TRPC4AP: variants seen among roughly 807,000 people sequenced by gnomAD.
The protein encoded by TRPC4AP is transient receptor potential cation channel subfamily C member 4 associated protein.
In TRPC4AP, 45 loss-of-function variants were observed where a neutral mutation model predicts 99.0. The ratio of observed to expected loss-of-function variants is 0.45; its 90% confidence interval spans 0.36 to 0.58. The LOEUF (loss-of-function observed/expected upper bound fraction) is 0.58, where lower values mean the gene tolerates loss of function less well. Ranked by LOEUF, TRPC4AP falls within the 20% of genes least tolerant of loss-of-function variation. TRPC4AP has a pLI of 0.00. For synonymous variants in TRPC4AP, 408 were observed against 385.8 expected (o/e 1.06, Z -0.67); for missense variants, 879 against 985.3 (o/e 0.89, Z 1.44).
At chr20:35,083,714 TAA>T (rs761897677) in intron 1 of TRPC4AP, among the ~76,000 whole-genome samples, 12 of 139,582 alleles carry the variant, frequency 8.6e-5, no homozygotes, top group Non-Finnish European at 7.8e-5. Flanking sequence ...CTGCAAGCTT[TAA>T]AAAAAAAAAA....
At chr20:35,031,901 GT>G (rs528571328) in intron 8 of TRPC4AP, among the ~76,000 whole-genome samples, 2 of 151,744 alleles carry the variant, frequency 1.3e-5, no homozygotes, top group Non-Finnish European at 2.9e-5. Flanking sequence ...TTAAAAAAAA[GT>G]TTTTTTTGAG....
In TRPC4AP at chr20:35,054,853, G is replaced by T. The variant is rs1490403565; in HGVS notation, c.528+123C>A. On this transcript the variant is annotated intron_variant, in intron 5 of 18. Transcript: ENST00000252015. ...TGATTTTCAGGCACACATAAAATAA[G>T]CCCGATTCCCCCACTGTCTGAAAGC... The T allele has an allele frequency of 2.6e-5, 21 of 811,470 alleles. No homozygotes were observed. The Admixed American group carries it at 3.5e-4, about 14-fold the overall frequency. The allele number at this position is 811,470 out of a possible 1,614,324, so 50.3% of individuals were successfully genotyped here.
intron 9 of TRPC4AP, among the ~76,000 whole-genome samples, chr20:35,020,226 G>A (rs895365497): frequency 2.0e-5 from 3 of 152,110 alleles, no homozygotes; most frequent in Non-Finnish European, 2.9e-5. Flanking sequence ...CCTAATGGTC[G>A]CCCTATTCCC....
At chr20:35,084,488 GTATA>G (rs754008642) in intron 1 of TRPC4AP, among the ~76,000 whole-genome samples, 1 of 117,404 alleles carries the variant, frequency 8.5e-6, no homozygotes, top group Non-Finnish European at 1.9e-5. Context: ...GTGTATATAT[GTATA>G]TATCTATATA....
rs1326470267 is a variant in TRPC4AP at position 35,003,565 on chromosome 20, G to A, written c.2101C>T (p.Arg701Trp). 5.0e-6 allele frequency: 8 copies of A among 1,613,826 alleles called. No individual in the cohort carries two copies. The highest frequency in any genetic ancestry group is 1.7e-5 in the Admixed American group (1 of 60,010). Reference sequence around the variant, plus strand: ...AGGTACAGGGGCAGCCGCTCTTTCCGTCGGGCCAGCATCAGGATCACCAGG... The same window carrying A: ...AGGTACAGGGGCAGCCGCTCTTTCCATCGGGCCAGCATCAGGATCACCAGG... ...TSLVILMLAR[R>W]KERLPLYLRL... Residue 701 changes from arginine to tryptophan, a missense_variant, in exon 18 of 19, where the codon CGG becomes TGG. Transcript: ENST00000252015.
chr20:35,045,452 A>C (rs1225129411), intron 6 of TRPC4AP, among the ~76,000 whole-genome samples: 2 of 151,898 alleles, frequency 1.3e-5, no homozygotes, highest in African/African-American at 4.8e-5. Context: ...CTTACTGCAG[A>C]CTCAAACTCC....
intron 11 of TRPC4AP, among the ~76,000 whole-genome samples, chr20:35,010,550 C>T (rs1045621440): frequency 6.6e-5 from 10 of 152,106 alleles, no homozygotes; most frequent in African/African-American, 2.4e-4. Context: ...CTTCCCTCAG[C>T]AGCTCTGGGC....
chr20:35,050,390 C>T (rs1018455662), intron 5 of TRPC4AP, among the ~76,000 whole-genome samples: 2 of 59,858 alleles, frequency 3.3e-5, no homozygotes, highest in African/African-American at 1.5e-4. Context: ...CTTTGGAACT[C>T]CATTTTTTTC....
intron 8 of TRPC4AP, among the ~76,000 whole-genome samples, chr20:35,028,573 T>A (rs1467906751): frequency 6.6e-6 from 1 of 152,170 alleles, no homozygotes; most frequent in Non-Finnish European, 1.5e-5. Flanking sequence ...TTGCTGAACT[T>A]TTTTTTAACA....
intron 1 of TRPC4AP, among the ~76,000 whole-genome samples, chr20:35,083,316 T>C (rs1215826086): frequency 6.6e-6 from 1 of 152,022 alleles, no homozygotes; most frequent in Non-Finnish European, 1.5e-5. Context: ...TAACACACTC[T>C]TGGCTGGGCA....
Position 35,002,711 on chromosome 20 carries a change from C to T in TRPC4AP, c.*435G>A, listed in dbSNP as rs530259400. The T allele has an allele frequency of 8.4e-5, 15 of 178,054 alleles. No homozygotes were observed. The East Asian group carries it at 2.2e-3, about 27-fold the overall frequency. 11.0% of individuals were successfully genotyped at this position (178,054 alleles called of 1,614,324 possible). ...ATTCTCTGGTACCCACCACCCCTGC[C>T]CAGGGCTCAGAAGCCTTTGCCTGGG... On this transcript the variant is annotated 3_prime_UTR_variant, in exon 19 of 19. Transcript: ENST00000252015.
chr20:35,039,094 A>G (rs1295808457), intron 7 of TRPC4AP, among the ~76,000 whole-genome samples: 1 of 152,254 alleles, frequency 6.6e-6, no homozygotes, highest in Non-Finnish European at 1.5e-5. Flanking sequence ...AAGCAAAAAA[A>G]ACAAAAAAGA....
chr20:35,054,934 G>A (rs4911463), intron 5 of TRPC4AP, 42 bp downstream of exon 5: 945,580 of 1,526,412 alleles, frequency 0.62, 296,832 homozygotes, highest in Admixed American at 0.79. Flanking sequence ...TTGCAGACCT[G>A]GTAGGGGAGA....
intron 2 of TRPC4AP, among the ~76,000 whole-genome samples, chr20:35,077,759 G>A (rs1462264037): frequency 2.0e-5 from 3 of 152,064 alleles, no homozygotes; most frequent in Non-Finnish European, 4.4e-5. Flanking sequence ...CCAATCACAG[G>A]ATAGTGTTGA....
chr20:35,017,480 CAT>C (rs1422248357), intron 9 of TRPC4AP, among the ~76,000 whole-genome samples: 1 of 152,174 alleles, frequency 6.6e-6, no homozygotes, highest in Non-Finnish European at 1.5e-5. Context: ...GTTTATATAA[CAT>C]AAGGCTATTA....
chr20:35,086,519 G>GTA lies in TRPC4AP; in HGVS notation c.168+6093_168+6094dup, dbSNP rs1179723943. On this transcript the variant is annotated intron_variant, in intron 1 of 18. Coordinates refer to ENST00000252015, the MANE Select transcript of TRPC4AP (RefSeq NM_015638.3). ...TATGTGTATATATATGTGTGTGTGT[G>GTA]TATATATGTGTGTGTGTGTGTGTGT... is the stretch of plus-strand genomic sequence containing the variant. 5.9e-3 allele frequency among the ~76,000 whole-genome samples: 197 copies of GTA among 33,466 alleles called. 8 individuals carry two copies. Among genetic ancestry groups the GTA allele is most frequent in the African/African-American group, 0.014 (184 of 12,868 alleles). 22.0% of individuals were successfully genotyped at this position (33,466 alleles called of 152,430 possible). A position where few individuals can be genotyped will look rare whatever the true frequency, so the allele number is the denominator to read the frequency against.
intron 1 of TRPC4AP, among the ~76,000 whole-genome samples, chr20:35,079,272 CA>C (rs1466024181): frequency 6.6e-6 from 1 of 152,006 alleles, no homozygotes; most frequent in Admixed American, 6.6e-5. Context: ...AAATATGAGG[CA>C]AAAACTGCCT....
intron 2 of TRPC4AP, among the ~76,000 whole-genome samples, chr20:35,071,660 A>G (rs1213965255): frequency 1.3e-5 from 2 of 151,932 alleles, no homozygotes; most frequent in Non-Finnish European, 2.9e-5. Context: ...TATGTGCCAC[A>G]TTTTCTTAAT....
intron 1 of TRPC4AP, among the ~76,000 whole-genome samples, chr20:35,080,394 G>GGGA (rs1243033168): frequency 6.6e-6 from 1 of 151,900 alleles, no homozygotes; most frequent in Non-Finnish European, 1.5e-5. Context: ...CCAGCTACTC[G>GGGA]GGAGGCTGAG....
Sources: allele counts gnomAD v4.1 joint callset (sites outside exome capture counted in the v4.1 genomes callset), GRCh38; gene constraint gnomAD v4.1.1; transcripts MANE v1.5; gene names NCBI Gene and HGNC (gene_info 2026-07-23, HGNC 2026-07-21).